Variants in TFDP1 observed in about 807,000 individuals in gnomAD.
TFDP1 encodes the protein transcription factor Dp-1.
TFDP1 carries 6 observed loss-of-function variants against 48.0 expected under a neutral mutation model. That is an observed-to-expected ratio of 0.13 (90% CI 0.07 to 0.25). The LOEUF is 0.25. TFDP1 is among the 10% of genes least tolerant of loss of function. The probability of loss-of-function intolerance (pLI) is 1.00; values close to 1 mark genes in which losing one functional copy is unlikely to be tolerated. For missense variants in TFDP1, 335 were observed against 543.0 expected, an observed-to-expected ratio of 0.62 and a Z score of 3.81; for synonymous variants, 201 against 211.6, an observed-to-expected ratio of 0.95 and a Z score of 0.44.
rs2049203813 is a variant in TFDP1 at position 113,627,247 on chromosome 13, G to A, written c.186+3961G>A. On this transcript the variant is annotated intron_variant, in intron 4 of 11. Coordinates refer to ENST00000375370, the MANE Select transcript of TFDP1 (RefSeq NM_007111.5). The surrounding 1 kb of genome is among the most constrained non-coding windows in gnomAD (Gnocchi z 4.1). Reference sequence around the variant, plus strand: ...AGTCAGCAGGCGCAGGGCTTGTCAAGGTCAGGGTCTTTTGAGGTGCGGATG... The same window carrying A: ...AGTCAGCAGGCGCAGGGCTTGTCAAAGTCAGGGTCTTTTGAGGTGCGGATG... 6.6e-6 allele frequency among the ~76,000 whole-genome samples: 1 copy of A among 152,202 alleles called. No homozygotes were observed. Among genetic ancestry groups the A allele is most frequent in the Non-Finnish European group, 1.5e-5 (1 of 68,036 alleles).
intron 3 of TFDP1, among the ~76,000 whole-genome samples, chr13:113,617,480 C>T (rs774423300): frequency 4.3e-5 from 6 of 138,840 alleles, no homozygotes; most frequent in Non-Finnish European, 8.9e-5. Context: ...ACCTGCAGAG[C>T]CCTTCACCTG....
At chr13:113,616,614 C>T (rs2048865846) in intron 3 of TFDP1, among the ~76,000 whole-genome samples, 1 of 152,168 alleles carries the variant, frequency 6.6e-6, no homozygotes. Context: ...CTTTACTTTC[C>T]TCCTGCTTCA....
chr13:113,613,216 A>C (rs1173410923), intron 3 of TFDP1, among the ~76,000 whole-genome samples: 1 of 152,166 alleles, frequency 6.6e-6, no homozygotes, highest in African/African-American at 2.4e-5. Flanking sequence ...GGGTTTCACC[A>C]TGTTGGTCAG....
At chr13:113,587,966 TCTC>T (rs1273254620) in intron 2 of TFDP1, among the ~76,000 whole-genome samples, 3 of 152,006 alleles carry the variant, frequency 2.0e-5, no homozygotes, top group South Asian at 2.1e-4. Context: ...AAGCAGTTCT[TCTC>T]CTCAGCCTCC....
At position 113,598,774 on chromosome 13, in the gene TFDP1, G is replaced by T. The variant is rs1420793737; in HGVS notation, c.13-12222G>T. On this transcript the variant is annotated intron_variant, in intron 2 of 11. Transcript: ENST00000375370. The surrounding 1 kb of genome is among the most constrained non-coding windows in gnomAD (Gnocchi z 4.2). ...TGGCTCACACTGTGGTTCTGTGGCC[G>T]CCGTCCCTCTGTCCGCTCGGGGTAG... Among the ~76,000 whole-genome samples, 1 of 152,158 alleles carries T rather than the reference G, an allele frequency of 6.6e-6. No homozygotes were observed. Among genetic ancestry groups the T allele is most frequent in the Admixed American group, 6.5e-5 (1 of 15,278 alleles).
At chr13:113,605,901 C>T (rs1270063882) in intron 2 of TFDP1, among the ~76,000 whole-genome samples, 12 of 101,828 alleles carry the variant, frequency 1.2e-4, no homozygotes, top group Non-Finnish European at 5.6e-5. Flanking sequence ...GTGTCCAAGG[C>T]GGCGCGGTGA....
intron 3 of TFDP1, among the ~76,000 whole-genome samples, chr13:113,622,388 G>A (rs4150754): frequency 0.011 from 1,626 of 152,270 alleles, 40 homozygotes; most frequent in East Asian, 0.11. Context: ...CTGTGTGGCC[G>A]CCCACCCTTC....
At chr13:113,603,182 G>A (rs1312986630) in intron 2 of TFDP1, among the ~76,000 whole-genome samples, 1 of 152,242 alleles carries the variant, frequency 6.6e-6, no homozygotes, top group African/African-American at 2.4e-5. Flanking sequence ...GTGGGGTCCA[G>A]GTGTATGCCC....
chr13:113,615,323 C>T (rs1430590860), intron 3 of TFDP1, among the ~76,000 whole-genome samples: 1 of 152,196 alleles, frequency 6.6e-6, no homozygotes, highest in Non-Finnish European at 1.5e-5. Context: ...CACAGGTGGG[C>T]TCTTACTCAT....
intron 7 of TFDP1, 92 bp downstream of exon 7, chr13:113,634,125 G>A (rs1302088568): frequency 3.2e-6 from 5 of 1,553,972 alleles, no homozygotes; most frequent in Non-Finnish European, 4.4e-6. Flanking sequence ...TGGGCTCCGT[G>A]CCCTTATGCT....
intron 2 of TFDP1, among the ~76,000 whole-genome samples, chr13:113,587,212 G>A (rs12870195): frequency 0.4 from 60,505 of 151,900 alleles, 12,528 homozygotes; most frequent in African/African-American, 0.48. Flanking sequence ...GTGTGGAAAG[G>A]TGGTCCGGCT....
intron 3 of TFDP1, among the ~76,000 whole-genome samples, chr13:113,621,089 G>C (rs1382777031): frequency 6.6e-6 from 1 of 152,234 alleles, no homozygotes; most frequent in African/African-American, 2.4e-5. Flanking sequence ...TGAAACTTCA[G>C]ATCGCAAAGG....
chr13:113,630,183 G>A (rs941270591), intron 4 of TFDP1, among the ~76,000 whole-genome samples: 5 of 134,638 alleles, frequency 3.7e-5, no homozygotes, highest in South Asian at 2.3e-4. Flanking sequence ...ACACACACAC[G>A]CGTATTGAAC....
intron 2 of TFDP1, among the ~76,000 whole-genome samples, chr13:113,593,286 T>A: frequency 7.0e-6 from 1 of 142,090 alleles, no homozygotes; most frequent in African/African-American, 2.7e-5. Flanking sequence ...GTGTGGGTCC[T>A]CAGCCCTGTC....
chr13:113,628,739 A>G (rs909817524), intron 4 of TFDP1, among the ~76,000 whole-genome samples: 7 of 152,042 alleles, frequency 4.6e-5, no homozygotes, highest in Non-Finnish European at 7.4e-5. Flanking sequence ...GCTCTGAACT[A>G]TCCTTCCCGG....
chr13:113,596,539 G>C (rs2048293777), intron 2 of TFDP1, among the ~76,000 whole-genome samples: 2 of 152,212 alleles, frequency 1.3e-5, no homozygotes, highest in African/African-American at 4.8e-5. Flanking sequence ...GGTTGGGGAG[G>C]AGGAGTCACA....
At chr13:113,613,883 ATG>A (rs1335788186) in intron 3 of TFDP1, among the ~76,000 whole-genome samples, 2 of 145,204 alleles carry the variant, frequency 1.4e-5, no homozygotes, top group Non-Finnish European at 3.0e-5. Context: ...GTGTGAGTGG[ATG>A]TGAGTGTACC....
intron 4 of TFDP1, among the ~76,000 whole-genome samples, chr13:113,628,383 TAGGA>T (rs892705277): frequency 1.3e-5 from 2 of 152,230 alleles, no homozygotes; most frequent in African/African-American, 4.8e-5. Flanking sequence ...GTGAGCACAG[TAGGA>T]AGGGAGACCC....
In TFDP1 at chr13:113,627,388, G is replaced by T. The variant is rs1267163964; in HGVS notation, c.186+4102G>T. 1.3e-5 allele frequency among the ~76,000 whole-genome samples: 2 copies of T among 152,186 alleles called. No homozygotes were observed. Among genetic ancestry groups the T allele is most frequent in the Non-Finnish European group, 2.9e-5 (2 of 68,044 alleles). On this transcript the variant is annotated intron_variant, in intron 4 of 11. Transcript: ENST00000375370. This position sits in a 1 kb window ranked among gnomAD's most constrained non-coding sequence, Gnocchi z 4.1. ...GGCCTGTGTGAGCCCCTGGGGAGAA[G>T]CAGCCCCCCACCCAGGCCTGTGTCC...
Sources: gnomAD v4.1 joint callset for allele counts (sites outside exome capture counted in the v4.1 genomes callset) on GRCh38, gnomAD v4.1.1 for gene constraint, Gnocchi (gnomAD v3.1) non-coding constraint, MANE v1.5 for transcripts, NCBI Gene and HGNC (gene_info 2026-07-23, HGNC 2026-07-21) for gene names.